Variants in TACR1 observed in about 807,000 individuals in gnomAD.
TACR1 encodes the protein tachykinin receptor 1.
TACR1 carries 25 observed loss-of-function variants against 35.8 expected under a neutral mutation model. The ratio of observed to expected loss-of-function variants is 0.70; its 90% CI spans 0.51 to 0.98. TACR1 has a LOEUF of 0.98. Among genes scored for constraint, TACR1 ranks in the 50% least tolerant of loss-of-function variants. The probability of loss-of-function intolerance (pLI) is 0.00; values close to 1 mark genes in which losing one functional copy is unlikely to be tolerated. For missense variants in TACR1, 478 were observed against 522.9 expected, an observed-to-expected ratio of 0.91 and a Z score of 0.84; for synonymous variants, 195 against 206.7, an observed-to-expected ratio of 0.94 and a Z score of 0.48.
chr2:75,193,674 T>C (rs1675902500), intron 1 of TACR1, among the ~76,000 whole-genome samples: 1 of 152,152 alleles, frequency 6.6e-6, no homozygotes, highest in African/African-American at 2.4e-5. Context: ...AATCAACTTC[T>C]CTAAAAATCT....
intron 1 of TACR1, among the ~76,000 whole-genome samples, chr2:75,155,265 T>C (rs3755468): frequency 0.59 from 89,109 of 152,016 alleles, 26,504 homozygotes; most frequent in African/African-American, 0.67. Flanking sequence ...TCTAACTGTC[T>C]TCTTGCCTGG....
At chr2:75,127,235 G>A (rs1674091201) in intron 1 of TACR1, among the ~76,000 whole-genome samples, 1 of 152,116 alleles carries the variant, frequency 6.6e-6, no homozygotes, top group South Asian at 2.1e-4. Flanking sequence ...ATTCAGGGAT[G>A]TTATTTAAGC....
rs1316346622 is a variant in TACR1, at chr2:75,183,321, G to GA, written c.389+15224dup. Among the ~76,000 whole-genome samples, 4 of 152,106 alleles carry GA rather than the reference G, an allele frequency of 2.6e-5. No homozygotes were observed. The South Asian group carries it at 6.2e-4, about 24-fold the overall frequency. On this transcript the variant is annotated intron_variant, in intron 1 of 4. Coordinates refer to ENST00000305249, the MANE Select transcript of TACR1 (RefSeq NM_001058.4). ...ATAGTTTATGGGAAGGGAGGGCCTC[G>GA]AAAAAATGAAACTTAGTGTTTTAAA...
intron 1 of TACR1, among the ~76,000 whole-genome samples, chr2:75,179,703 G>A (rs1003080290): frequency 6.6e-6 from 1 of 152,164 alleles, no homozygotes; most frequent in Non-Finnish European, 1.5e-5. Context: ...AAACCTCCTT[G>A]CAATTCTCAG....
intron 1 of TACR1, among the ~76,000 whole-genome samples, chr2:75,142,217 T>C (rs1674421427): frequency 6.6e-6 from 1 of 152,170 alleles, no homozygotes; most frequent in East Asian, 1.9e-4. Flanking sequence ...CCATTTAAGG[T>C]GTCGGCTCAC....
intron 2 of TACR1, among the ~76,000 whole-genome samples, chr2:75,113,281 GA>G (rs1172537216): frequency 2.0e-5 from 3 of 152,158 alleles, no homozygotes. Context: ...GCTGCCTCCG[GA>G]AGTTGATGGC....
At chr2:75,137,728 C>CAAAAAAAAAAAAAAAAAAAAAAAAAAA (rs11326632) in intron 1 of TACR1, among the ~76,000 whole-genome samples, 4 of 47,520 alleles carry the variant, frequency 8.4e-5, no homozygotes, top group Non-Finnish European at 1.0e-4. Context: ...GTCTCCGTCT[C>CAAAAAAAAAAAAAAAAAAAAAAAAAAA]AAAAAAAAAA....
chr2:75,198,470 C>T, intron 1 of TACR1, 76 bp downstream of exon 1: 1 of 1,545,500 alleles, frequency 6.5e-7, no homozygotes, highest in South Asian at 1.2e-5. Flanking sequence ...CCATACCCCA[C>T]CCAGTTCCAA....
intron 1 of TACR1, among the ~76,000 whole-genome samples, chr2:75,148,418 G>A (rs1674595710): frequency 6.6e-6 from 1 of 152,180 alleles, no homozygotes; most frequent in African/African-American, 2.4e-5. Flanking sequence ...CATCCTGACT[G>A]ACCTGAGATG....
intron 1 of TACR1, among the ~76,000 whole-genome samples, chr2:75,127,361 AT>A (rs1419302215): frequency 6.6e-6 from 1 of 152,146 alleles, no homozygotes; most frequent in Non-Finnish European, 1.5e-5. Flanking sequence ...CCACTAAATC[AT>A]TTTTATTATT....
At chr2:75,136,833 A>G (rs1674302320) in intron 1 of TACR1, among the ~76,000 whole-genome samples, 1 of 152,238 alleles carries the variant, frequency 6.6e-6, no homozygotes, top group African/African-American at 2.4e-5. Flanking sequence ...GCAACTCCTG[A>G]TGGTGTATCA....
rs1428559617 is a variant in TACR1 at position 75,199,005 on chromosome 2, G to T, written c.-71C>A. 1 of 1,551,214 alleles carries T rather than the reference G, an allele frequency of 6.4e-7. No individual in the cohort carries two copies. Among genetic ancestry groups the T allele is most frequent in the Non-Finnish European group, 8.7e-7 (1 of 1,145,714 alleles). On this transcript the variant is annotated 5_prime_UTR_variant, in exon 1 of 5. Transcript: ENST00000305249. ...TCTGCAGCAGAGTCCTGTGGCTGGC[G>T]CCTGGGGCTCAGGGTCCTTCTAAAG...
chr2:75,100,969 A>C (rs1673523850), intron 2 of TACR1, among the ~76,000 whole-genome samples: 1 of 152,150 alleles, frequency 6.6e-6, no homozygotes, highest in Admixed American at 6.5e-5. Flanking sequence ...TTCAAGAAAC[A>C]AAAGGAGACT....
At chr2:75,137,401 C>A (rs1231918081) in intron 1 of TACR1, among the ~76,000 whole-genome samples, 3 of 152,128 alleles carry the variant, frequency 2.0e-5, no homozygotes, top group African/African-American at 4.8e-5. Context: ...TCCCCTGAAT[C>A]TTCTAGGTCC....
At chr2:75,134,223 A>C (rs1280890067) in intron 1 of TACR1, among the ~76,000 whole-genome samples, 1 of 152,130 alleles carries the variant, frequency 6.6e-6, no homozygotes, top group East Asian at 1.9e-4. Flanking sequence ...CTTTCACTTT[A>C]TGGACTTGCC....
chr2:75,139,856 A>C (rs987190841), intron 1 of TACR1, among the ~76,000 whole-genome samples: 3 of 152,214 alleles, frequency 2.0e-5, no homozygotes, highest in Non-Finnish European at 2.9e-5. Context: ...TGAGAGGAGC[A>C]CTGGAAAGAT....
At chr2:75,058,282 G>A (rs1372289655) in intron 2 of TACR1, among the ~76,000 whole-genome samples, 2 of 152,026 alleles carry the variant, frequency 1.3e-5, no homozygotes, top group Admixed American at 1.3e-4. Context: ...ATCATATCTT[G>A]TAGTTAACTG....
chr2:75,199,275 A>T lies in TACR1; in HGVS notation c.-341T>A. On this transcript the variant is annotated 5_prime_UTR_variant, in exon 1 of 5. It removes an upstream start codon present in the reference 5' UTR. Transcript: ENST00000305249. ...TTCTAGGAAGCAAGAGATCCCCCGC[A>T]TTTATGCACCTGCTGCTGCCTGCAA... 3.9e-6 allele frequency: 1 copy of T among 256,358 alleles called. No homozygotes were observed. The highest frequency in any genetic ancestry group is 7.4e-5 in the South Asian group (1 of 13,424). 15.9% of individuals were successfully genotyped at this position (256,358 alleles called of 1,614,324 possible).
intron 1 of TACR1, among the ~76,000 whole-genome samples, chr2:75,185,782 G>A (rs560301560): frequency 6.6e-6 from 1 of 152,232 alleles, no homozygotes; most frequent in South Asian, 2.1e-4. Context: ...GAAGCAAAAG[G>A]CTTAAGATGG....
Sources: allele counts gnomAD v4.1 joint callset (sites outside exome capture counted in the v4.1 genomes callset), GRCh38; gene constraint gnomAD v4.1.1; transcripts MANE v1.5; gene names NCBI Gene and HGNC (gene_info 2026-07-23, HGNC 2026-07-21).